Variants in AFG1L observed in about 807,000 individuals in gnomAD.
The protein encoded by AFG1L is AFG1 like ATPase, also known as AFG1-like ATPase.
AFG1L carries 53 observed loss-of-function variants against 62.2 expected under a neutral mutation model. The ratio of observed to expected loss-of-function variants is 0.85; its 90% CI spans 0.68 to 1.07. The LOEUF (loss-of-function observed/expected upper bound fraction) is 1.07, where lower values mean the gene tolerates loss of function less well. Among genes scored for constraint, AFG1L ranks in the 50% least tolerant of loss-of-function variants. The pLI is 0.00. For missense variants in AFG1L, 555 were observed against 590.5 expected (o/e 0.94, Z 0.62); for synonymous variants, 228 against 210.3 (o/e 1.08, Z -0.73).
chr6:108,375,171 T>C (rs1185895617), intron 6 of AFG1L, among the ~76,000 whole-genome samples: 2 of 152,238 alleles, frequency 1.3e-5, no homozygotes, highest in African/African-American at 2.4e-5. Context: ...TTTTATATAT[T>C]GATTTTGGTA....
chr6:108,519,175 T>G (rs1013103135), intron 11 of AFG1L, among the ~76,000 whole-genome samples: 1 of 152,188 alleles, frequency 6.6e-6, no homozygotes, highest in Non-Finnish European at 1.5e-5. Context: ...TGTTCTCGCA[T>G]GGTGGAAGGA....
chr6:108,393,709 A>G (rs1781164360), intron 6 of AFG1L, among the ~76,000 whole-genome samples: 1 of 152,194 alleles, frequency 6.6e-6, no homozygotes, highest in African/African-American at 2.4e-5. Context: ...TACAAGTAGG[A>G]CCAAAGTGTT....
chr6:108,373,963 T>C (rs1028535569), intron 6 of AFG1L, among the ~76,000 whole-genome samples: 1 of 152,180 alleles, frequency 6.6e-6, no homozygotes, highest in Non-Finnish European at 1.5e-5. Flanking sequence ...CAATGGTGTA[T>C]AAGCATTCCC....
chr6:108,343,672 A>C (rs1015180154), intron 2 of AFG1L, among the ~76,000 whole-genome samples: 3 of 152,234 alleles, frequency 2.0e-5, no homozygotes, highest in Non-Finnish European at 2.9e-5. Context: ...TTTTCTGGCA[A>C]GTTGAAAATA....
intron 6 of AFG1L, among the ~76,000 whole-genome samples, chr6:108,381,140 G>A (rs1780496845): frequency 1.3e-5 from 2 of 152,178 alleles, no homozygotes; most frequent in African/African-American, 4.8e-5. Flanking sequence ...GGACAATCTG[G>A]TTAAGGCTCT....
chr6:108,394,697 A>G (rs1781214165), intron 6 of AFG1L, among the ~76,000 whole-genome samples: 1 of 152,196 alleles, frequency 6.6e-6, no homozygotes, highest in African/African-American at 2.4e-5. Context: ...TTGTACAGAT[A>G]TGGCACAATT....
intron 2 of AFG1L, among the ~76,000 whole-genome samples, chr6:108,337,821 G>T (rs1778529272): frequency 6.6e-6 from 1 of 152,150 alleles, no homozygotes; most frequent in Non-Finnish European, 1.5e-5. Context: ...ATTGGTGCTT[G>T]GTGGTTACAT....
chr6:108,434,472 C>G (rs1324132553), intron 7 of AFG1L, among the ~76,000 whole-genome samples: 12 of 152,172 alleles, frequency 7.9e-5, no homozygotes, highest in Admixed American at 7.8e-4. Context: ...CATTCTTTAC[C>G]TTTAAAGCAA....
At chr6:108,513,549 G>A (rs989644449) in intron 11 of AFG1L, among the ~76,000 whole-genome samples, 2 of 152,194 alleles carry the variant, frequency 1.3e-5, no homozygotes, top group African/African-American at 2.4e-5. Context: ...ACTGCAAGGC[G>A]GCAGCGAGGA....
chr6:108,476,933 A>G lies in AFG1L; in HGVS notation c.959A>G (p.Asp320Gly), dbSNP rs1190581046. 2.5e-6 allele frequency: 4 copies of G among 1,612,824 alleles called. No homozygotes were observed. Among genetic ancestry groups the G allele is most frequent in the African/African-American group, 1.3e-5 (1 of 75,052 alleles). ...LFDELAQKQN[D>G]LTRPRILKVQ... Reference sequence around the variant, plus strand: ...GATGAGCTGGCTCAGAAACAAAATGATTGTACGTAAGTTAATTTCTCTTGA... The same window carrying G: ...GATGAGCTGGCTCAGAAACAAAATGGTTGTACGTAAGTTAATTTCTCTTGA... Residue 320 changes from aspartate to glycine, a missense_variant and splice_region_variant, in exon 9 of 13, where the codon GAT becomes GGT. Asp to Gly is a moderately conservative substitution (Grantham distance 94, BLOSUM62 -1). Coordinates refer to ENST00000368977, the MANE Select transcript of AFG1L (RefSeq NM_145315.5).
chr6:108,357,524 G>C, intron 5 of AFG1L, among the ~76,000 whole-genome samples: 1 of 152,000 alleles, frequency 6.6e-6, no homozygotes, highest in East Asian at 1.9e-4. Flanking sequence ...TCTAAATTTT[G>C]GTCGATGACT....
intron 6 of AFG1L, among the ~76,000 whole-genome samples, chr6:108,385,287 T>C (rs969217088): frequency 9.2e-5 from 14 of 152,218 alleles, no homozygotes; most frequent in Non-Finnish European, 2.1e-4. Flanking sequence ...GTGATGGCCA[T>C]GATGCCCACG....
chr6:108,325,573 C>T (rs1778009926), intron 2 of AFG1L, among the ~76,000 whole-genome samples: 1 of 152,068 alleles, frequency 6.6e-6, no homozygotes, highest in Non-Finnish European at 1.5e-5. Context: ...GCAACCTCCA[C>T]CTCCCAGGTT....
At chr6:108,500,171 CGTGTGTGTGTGTGTGTGTGT>C (rs61654685) in intron 10 of AFG1L, among the ~76,000 whole-genome samples, 14 of 135,068 alleles carry the variant, frequency 1.0e-4, no homozygotes, top group African/African-American at 4.0e-4. Flanking sequence ...ATGGTGCGTG[CGTGTGTGTGTGTGTGTGTGT>C]GTGTGTGTGT....
chr6:108,349,670 CT>C (rs563627626), intron 3 of AFG1L, among the ~76,000 whole-genome samples: 32 of 152,178 alleles, frequency 2.1e-4, no homozygotes, highest in Non-Finnish European at 4.3e-4. Context: ...AATCTCAGCA[CT>C]TTGGGAGGCT....
At chr6:108,368,765 A>G (rs1779865253) in intron 6 of AFG1L, among the ~76,000 whole-genome samples, 1 of 152,230 alleles carries the variant, frequency 6.6e-6, no homozygotes, top group Non-Finnish European at 1.5e-5. Context: ...AAGGATAATT[A>G]GGCTGCTCAG....
chr6:108,328,982 C>T (rs181824838), intron 2 of AFG1L, among the ~76,000 whole-genome samples: 55 of 152,224 alleles, frequency 3.6e-4, no homozygotes, highest in African/African-American at 1.3e-3. Flanking sequence ...ATGAAAGGTC[C>T]TATTTGTTAA....
intron 10 of AFG1L, among the ~76,000 whole-genome samples, chr6:108,480,223 C>T (rs113286115): frequency 2.6e-5 from 4 of 152,062 alleles, no homozygotes; most frequent in Admixed American, 6.5e-5. Context: ...AGTTAGGAGA[C>T]CCTGCAACAC....
chr6:108,485,517 A>G (rs1278103627), intron 10 of AFG1L, among the ~76,000 whole-genome samples: 4 of 150,088 alleles, frequency 2.7e-5, no homozygotes, highest in Non-Finnish European at 4.4e-5. Flanking sequence ...ACTCTAGGAA[A>G]GTATGAGAAA....
Sources: gnomAD v4.1 joint callset for allele counts (sites outside exome capture counted in the v4.1 genomes callset) on GRCh38, gnomAD v4.1.1 for gene constraint, MANE v1.5 for transcripts, NCBI Gene and HGNC (gene_info 2026-07-23, HGNC 2026-07-21) for gene names.